The following PC variants were observed in gnomAD, a reference collection of about 807,000 sequenced individuals.
The protein encoded by PC is pyruvate carboxylase, mitochondrial.
A neutral mutation model predicts 107.8 loss-of-function variants in PC; 46 were observed. The observed-to-expected ratio is 0.43, with a 90% CI of 0.34 to 0.55. The LOEUF is 0.55. PC is among the 20% of genes least tolerant of loss of function. PC has a pLI of 0.04. For missense variants in PC, 1,241 were observed against 1,643.1 expected (o/e 0.76, Z 4.23); for synonymous variants, 662 against 684.7 (o/e 0.97, Z 0.52).
At chr11:66,949,636 A>G (rs1230428460) in intron 3 of PC, among the ~76,000 whole-genome samples, 3 of 152,248 alleles carry the variant, frequency 2.0e-5, no homozygotes, top group East Asian at 1.9e-4. Flanking sequence ...GGTTGCAGTG[A>G]GCCGAGATCG....
chr11:66,940,884 C>A (rs1949112555), intron 3 of PC, among the ~76,000 whole-genome samples: 1 of 151,752 alleles, frequency 6.6e-6, no homozygotes, highest in African/African-American at 2.4e-5. Flanking sequence ...GTCAGGAGAT[C>A]GAGACCAGCC....
chr11:66,932,638 G>C (rs901906517), intron 3 of PC, among the ~76,000 whole-genome samples: 1 of 152,136 alleles, frequency 6.6e-6, no homozygotes, highest in Non-Finnish European at 1.5e-5. Context: ...ATCTGGCCCT[G>C]GGGGGAAAGC....
chr11:66,923,809 C>G (rs1948648768), intron 3 of PC, among the ~76,000 whole-genome samples: 2 of 148,466 alleles, frequency 1.3e-5, no homozygotes, highest in Non-Finnish European at 3.0e-5. Context: ...TGTGAGCCAC[C>G]ATGCCCGGCC....
chr11:66,858,420 C>T lies in PC; in HGVS notation c.1369-5037G>A, dbSNP rs1237939824. On this transcript the variant is annotated intron_variant, in intron 12 of 22. Transcript: ENST00000393960. This position sits in a 1 kb window ranked among gnomAD's most constrained non-coding sequence, Gnocchi z 5.9. ...GCGTGATGCAGAGGCCTCTCCCGCCCCCCTGGTGCTGAGCTTTAGCGGGAA... is the reference window on the plus strand; with the variant it reads ...GCGTGATGCAGAGGCCTCTCCCGCCTCCCTGGTGCTGAGCTTTAGCGGGAA... 5.1e-6 allele frequency: 8 copies of T among 1,555,246 alleles called. No individual in the cohort carries two copies. Among genetic ancestry groups the T allele is most frequent in the Middle Eastern group, 1.7e-4 (1 of 6,006 alleles).
intron 3 of PC, among the ~76,000 whole-genome samples, chr11:66,873,435 ATATAT>A (rs1331642731): frequency 8.0e-5 from 7 of 87,012 alleles, no homozygotes; most frequent in Admixed American, 4.0e-4. Flanking sequence ...TATATATATT[ATATAT>A]TATATTATAT....
chr11:66,859,238 GTGGCC>G (rs1267996805), intron 12 of PC: 34 of 1,182,906 alleles, frequency 2.9e-5, no homozygotes, highest in East Asian at 1.1e-4. Context: ...TGGAGGAGCA[GTGGCC>G]TGGCCTGGCC....
Position 66,956,182 on chromosome 11 carries a change from C to T in PC, c.-227-1746G>A, listed in dbSNP as rs551816012. ...CACCTGGTTACATCTCCTGTAGAGG[C>T]CTCTTCCCAGTGACCAATCAAGTTT... is the stretch of plus-strand genomic sequence containing the variant. On this transcript the variant is annotated intron_variant, in intron 1 of 22. Transcript: ENST00000393960. Among the ~76,000 whole-genome samples the T allele has an allele frequency of 6.6e-5, 10 of 152,316 alleles. No homozygotes were observed. In the East Asian group the frequency reaches 1.9e-3, roughly 29 times the overall value.
rs1276461262 is a variant in PC, at chr11:66,863,950, G to A, written c.1192C>T (p.Arg398Trp). The change falls in exon 12 of 23, where the codon CGG becomes TGG. Residue 398 changes from arginine (R) to tryptophan (W), a missense_variant. Coordinates refer to ENST00000393960, the MANE Select transcript of PC (RefSeq NM_001040716.2). Reference sequence around the variant, plus strand: ...CGGATGCCCATGCCCTCTCCGCTCCGGAACACCTGTGGGAAGGGTGAGGCG... The same window carrying A: ...CGGATGCCCATGCCCTCTCCGCTCCAGAACACCTGTGGGAAGGGTGAGGCG... ...QPDTGRIEVF[R>W]SGEGMGIRLD... The A allele has an allele frequency of 1.9e-6, 3 of 1,613,664 alleles. No individual in the cohort carries two copies. Among genetic ancestry groups the A allele is most frequent in the Non-Finnish European group, 2.5e-6 (3 of 1,180,032 alleles).
At position 66,852,394 on chromosome 11, in the gene PC, G is replaced by A. The variant is rs771091547; in HGVS notation, c.1825+45C>T. ...CTAAGCCTGTGGGACTGGCCACAGA[G>A]CGGGCGCCCATTCCTACCAGGCGCT... On this transcript the variant is annotated intron_variant, in intron 15 of 22. Transcript: ENST00000393960. The surrounding 1 kb of genome is among the most constrained non-coding windows in gnomAD (Gnocchi z 4.7). 15 of 1,482,432 alleles carry A rather than the reference G, an allele frequency of 1.0e-5. No individual in the cohort carries two copies. The highest frequency in any genetic ancestry group is 8.4e-5 in the Admixed American group (5 of 59,838). The allele number at this position is 1,482,432 out of a possible 1,614,324, so 91.8% of individuals were successfully genotyped here.
chr11:66,859,753 C>G (rs771319668), intron 12 of PC: 1 of 1,608,926 alleles, frequency 6.2e-7, no homozygotes, highest in Admixed American at 1.7e-5. Flanking sequence ...CTCACGGCCA[C>G]CAGGCTGCTG....
intron 12 of PC, chr11:66,859,174 C>T: frequency 7.0e-7 from 1 of 1,422,574 alleles, no homozygotes. Flanking sequence ...TTTGCTTCCA[C>T]CCCTCCTCTC....
At chr11:66,898,925 T>C (rs1387354606) in intron 3 of PC, among the ~76,000 whole-genome samples, 5 of 152,220 alleles carry the variant, frequency 3.3e-5, no homozygotes, top group African/African-American at 1.2e-4. Context: ...GCTGGAGTGC[T>C]ATGGCAACGA....
intron 3 of PC, among the ~76,000 whole-genome samples, chr11:66,929,260 G>A (rs553207326): frequency 1.3e-5 from 2 of 152,248 alleles, no homozygotes; most frequent in Admixed American, 6.5e-5. Context: ...CTGTCTCATC[G>A]CTGTGGTGCT....
At chr11:66,949,668 C>CA (rs898257929) in intron 3 of PC, among the ~76,000 whole-genome samples, 1 of 150,750 alleles carries the variant, frequency 6.6e-6, no homozygotes, top group Admixed American at 6.6e-5. Flanking sequence ...GACTCCATCG[C>CA]AAAAAAAATA....
intron 3 of PC, among the ~76,000 whole-genome samples, chr11:66,924,825 G>A (rs954502266): frequency 3.3e-5 from 5 of 152,196 alleles, no homozygotes; most frequent in Non-Finnish European, 5.9e-5. Flanking sequence ...GACAATGAAG[G>A]AGGGGAGGTA....
In PC at chr11:66,863,829, G is replaced by T; in HGVS notation, c.1313C>A (p.Thr438Lys). Residue 438 changes from threonine to lysine, a missense_variant, in exon 12 of 23, where the codon ACG (threonine) becomes AAG (lysine). Transcript: ENST00000393960. ...KVIAHGKDHPTAATKMSRALA... is the reference protein window; with the variant it reads ...KVIAHGKDHPKAATKMSRALA... ...GGCCCTGCTCATCTTGGTGGCGGCC[G>T]TGGGGTGGTCTTTGCCGTGGGCAAT... is the stretch of plus-strand genomic sequence containing the variant. 6.2e-7 allele frequency: 1 copy of T among 1,613,834 alleles called. No individual in the cohort carries two copies. The highest frequency in any genetic ancestry group is 8.5e-7 in the Non-Finnish European group (1 of 1,180,016).
In PC at chr11:66,872,096, C is replaced by G; in HGVS notation, c.64G>C (p.Ala22Pro). 2 of 1,571,480 alleles carry G rather than the reference C, an allele frequency of 1.3e-6. No individual in the cohort carries two copies. The highest frequency in any genetic ancestry group is 1.7e-6 in the Non-Finnish European group (2 of 1,158,888). Reference protein sequence around the residue: ...RLLGIRRTSTAPAASPNVRRL... With the variant: ...RLLGIRRTSTPPAASPNVRRL... ...CGGACATTTGGGGAGGCAGCGGGGGCGGTGGAGGTTCGGCGGATTCCCAGG... is the reference window on the plus strand; with the variant it reads ...CGGACATTTGGGGAGGCAGCGGGGGGGGTGGAGGTTCGGCGGATTCCCAGG... Residue 22 changes from alanine (A) to proline (P), a missense_variant, in exon 4 of 23, where the codon GCC becomes CCC. Transcript: ENST00000393960.
Position 66,848,961 on chromosome 11 carries a change from T to G in PC, c.3475A>C (p.Lys1159Gln). Reference sequence around the variant, plus strand: ...GTCATGTCCTTGGTCACATGAACCTTGCGGACAGTACCCTCCATGGGTGAG... The same window carrying G: ...GTCATGTCCTTGGTCACATGAACCTGGCGGACAGTACCCTCCATGGGTGAG... ...VTSPMEGTVR[K>Q]VHVTKDMTLE... Residue 1159 changes from lysine to glutamine, a missense_variant, in exon 23 of 23, where the codon AAG becomes CAG. This residue lies in a region of PC where 98 missense variants were observed against 91.2 expected (regional missense o/e 1.07). Coordinates refer to ENST00000393960, the MANE Select transcript of PC (RefSeq NM_001040716.2). 1 of 1,614,050 alleles carries G rather than the reference T, an allele frequency of 6.2e-7. No homozygotes were observed. The highest frequency in any genetic ancestry group is 1.6e-4 in the Middle Eastern group (1 of 6,062).
Position 66,852,861 on chromosome 11 carries a change from C to A in PC, c.1514-25G>T. ...CCTGGGGAGAAAGCGGGCAGTGGGT[C>A]AGGGTGGGCTGGGCAGAGGCTGAGT... On this transcript the variant is annotated intron_variant, in intron 13 of 22. Transcript: ENST00000393960. This position sits in a 1 kb window ranked among gnomAD's most constrained non-coding sequence, Gnocchi z 4.7. The A allele has an allele frequency of 6.6e-7, 1 of 1,522,386 alleles. No homozygotes were observed. Among genetic ancestry groups the A allele is most frequent in the South Asian group, 1.2e-5 (1 of 80,390 alleles). The allele number at this position is 1,522,386 out of a possible 1,614,324, so 94.3% of individuals were successfully genotyped here. A position where few individuals can be genotyped will look rare whatever the true frequency, so the allele number is the denominator to read the frequency against.
Sources: allele counts gnomAD v4.1 joint callset (sites outside exome capture counted in the v4.1 genomes callset), GRCh38; gene constraint gnomAD v4.1.1; regional missense constraint gnomAD v4.1.1; non-coding constraint Gnocchi (gnomAD v3.1); transcripts MANE v1.5; gene names NCBI Gene and HGNC (gene_info 2026-07-23, HGNC 2026-07-21).